SUPT3H: variants seen among roughly 807,000 people sequenced by gnomAD.
SUPT3H encodes the protein SPT3 homolog, SAGA and STAGA complex component, also known as transcription initiation protein SPT3 homolog.
A neutral mutation model predicts 44.3 loss-of-function variants in SUPT3H; 44 were observed. That is an observed-to-expected ratio of 0.99 (90% CI 0.78 to 1.28). The LOEUF (loss-of-function observed/expected upper bound fraction) is 1.28. Among genes scored for constraint, SUPT3H ranks in the 50% most tolerant of loss-of-function variants. The pLI is 0.00. For synonymous variants in SUPT3H, 124 were observed against 125.6 expected, an observed-to-expected ratio of 0.99 and a Z score of 0.09; for missense variants, 380 against 387.1, an observed-to-expected ratio of 0.98 and a Z score of 0.15.
At chr6:45,143,589 T>A (rs964615231) in intron 2 of SUPT3H, among the ~76,000 whole-genome samples, 2 of 152,018 alleles carry the variant, frequency 1.3e-5, no homozygotes, top group African/African-American at 4.8e-5. Flanking sequence ...AATGCCTACA[T>A]CAAATAGTCT....
At chr6:45,227,465 G>A (rs1370875873) in intron 2 of SUPT3H, among the ~76,000 whole-genome samples, 1 of 151,952 alleles carries the variant, frequency 6.6e-6, no homozygotes, top group Non-Finnish European at 1.5e-5. Context: ...ACTAGATACT[G>A]CTCATAAAAA....
At chr6:44,888,476 A>C (rs1404287978) in intron 10 of SUPT3H, among the ~76,000 whole-genome samples, 1 of 152,200 alleles carries the variant, frequency 6.6e-6, no homozygotes, top group African/African-American at 2.4e-5. Flanking sequence ...CAAATCAATA[A>C]AAGTAATCCA....
chr6:44,892,885 T>C (rs1342726976), intron 10 of SUPT3H, among the ~76,000 whole-genome samples: 2 of 152,266 alleles, frequency 1.3e-5, no homozygotes, highest in Admixed American at 1.3e-4. Context: ...TTACTTTCCT[T>C]CCACTAAAAT....
At chr6:45,212,298 A>G (rs1584283008) in intron 2 of SUPT3H, among the ~76,000 whole-genome samples, 1 of 152,214 alleles carries the variant, frequency 6.6e-6, no homozygotes, top group African/African-American at 2.4e-5. Flanking sequence ...AACTTTTAAT[A>G]TAACTTTTAG....
At chr6:45,373,287 T>A (rs1305575406) in intron 1 of SUPT3H, among the ~76,000 whole-genome samples, 7 of 151,976 alleles carry the variant, frequency 4.6e-5, no homozygotes, top group African/African-American at 1.7e-4. Context: ...CACTACCCAT[T>A]AACTATGGGC....
chr6:44,890,671 ATGGG>A (rs779921907), intron 10 of SUPT3H, among the ~76,000 whole-genome samples: 10 of 150,252 alleles, frequency 6.7e-5, no homozygotes, highest in Non-Finnish European at 1.3e-4. Flanking sequence ...TGACGAGTTA[ATGGG>A]TGCAGCACAC....
chr6:45,098,972 G>A, intron 3 of SUPT3H: 1 of 434,830 alleles, frequency 2.3e-6, no homozygotes, highest in Non-Finnish European at 4.6e-6. Context: ...CAGACTCTGG[G>A]ATCCAGCTAC....
rs540045897 is a variant in SUPT3H, at chr6:44,819,499, T to A, written c.*53-9998A>T. Among the ~76,000 whole-genome samples, 7 of 135,836 alleles carry A rather than the reference T, an allele frequency of 5.2e-5. No homozygotes were observed. In the South Asian group the frequency reaches 1.5e-3, roughly 30 times the overall value. The allele number at this position is 135,836 out of a possible 152,430, so 89.1% of individuals were successfully genotyped here. A position where few individuals can be genotyped will look rare whatever the true frequency, so the allele number is the denominator to read the frequency against. ...ATCAGACTAAGCATTTTTTTTTTTTTAAAGAAACATAGATAAGAGTGGTGA... is the reference window on the plus strand; with the variant it reads ...ATCAGACTAAGCATTTTTTTTTTTTAAAAGAAACATAGATAAGAGTGGTGA... On this transcript the variant is annotated intron_variant and NMD_transcript_variant, in intron 11 of 11. Transcript: ENST00000475057.
intron 2 of SUPT3H, among the ~76,000 whole-genome samples, chr6:45,340,446 C>T (rs1478571791): frequency 6.6e-6 from 1 of 152,008 alleles, no homozygotes; most frequent in African/African-American, 2.4e-5. Flanking sequence ...GACTCAGCAT[C>T]CCAGGTAGCT....
At chr6:45,214,736 T>C (rs1427860183) in intron 2 of SUPT3H, among the ~76,000 whole-genome samples, 2 of 152,102 alleles carry the variant, frequency 1.3e-5, no homozygotes, top group East Asian at 3.8e-4. Context: ...GTAGTCCCAT[T>C]TACTCGGGAG....
At chr6:45,051,506 T>C (rs900359008) in intron 3 of SUPT3H, among the ~76,000 whole-genome samples, 8 of 150,898 alleles carry the variant, frequency 5.3e-5, no homozygotes, top group Non-Finnish European at 1.0e-4. Flanking sequence ...ATTAAATATA[T>C]ATTTATCAAA....
At chr6:45,326,037 T>C (rs546910005) in intron 2 of SUPT3H, among the ~76,000 whole-genome samples, 160 of 151,762 alleles carry the variant, frequency 1.1e-3, no homozygotes, top group Non-Finnish European at 1.9e-3. Context: ...CAAATCCTGG[T>C]CCAAAAATTA....
Position 45,067,804 on chromosome 6 carries a change from C to G in SUPT3H, c.186+38118G>C, listed in dbSNP as rs532771791. Among the ~76,000 whole-genome samples, 51 of 143,446 alleles carry G rather than the reference C, an allele frequency of 3.6e-4. No individual in the cohort carries two copies. In the East Asian group the frequency reaches 9.5e-3, roughly 27 times the overall value. The allele number at this position is 143,446 out of a possible 152,430, so 94.1% of individuals were successfully genotyped here. A position where few individuals can be genotyped will look rare whatever the true frequency, so the allele number is the denominator to read the frequency against. ...GTTAGAATGGCAATCATTAAAAAGT[C>G]AGGAAACAACAGGTGCTGGAGAGGA... On this transcript the variant is annotated intron_variant, in intron 3 of 10. Coordinates refer to ENST00000371459, the MANE Select transcript of SUPT3H (RefSeq NM_003599.4).
intron 2 of SUPT3H, among the ~76,000 whole-genome samples, chr6:45,348,958 T>C (rs370672387): frequency 2.0e-5 from 3 of 152,194 alleles, no homozygotes; most frequent in African/African-American, 4.8e-5. Context: ...TTTCCACAAA[T>C]GTATACACAG....
chr6:44,945,702 C>T (rs1269960190), intron 9 of SUPT3H, among the ~76,000 whole-genome samples: 1 of 152,130 alleles, frequency 6.6e-6, no homozygotes, highest in Non-Finnish European at 1.5e-5. Flanking sequence ...TTAGAGGCTA[C>T]CAGAGACTGG....
At chr6:44,885,137 C>T (rs55970995) in intron 10 of SUPT3H, among the ~76,000 whole-genome samples, 2,447 of 152,318 alleles carry the variant, frequency 0.016, 39 homozygotes, top group South Asian at 0.033. Flanking sequence ...TGGAGCCCAC[C>T]ACAGCTCAAG....
chr6:45,108,503 T>C (rs955725888), intron 2 of SUPT3H, among the ~76,000 whole-genome samples: 3 of 152,136 alleles, frequency 2.0e-5, no homozygotes, highest in African/African-American at 7.2e-5. Flanking sequence ...GAACTTTGAC[T>C]AACATAGCCA....
Position 45,275,926 on chromosome 6 carries a change from TACTA to T in SUPT3H, c.101+89271_101+89274del, listed in dbSNP as rs150022631. Among the ~76,000 whole-genome samples, 821 of 152,262 alleles carry T rather than the reference TACTA, an allele frequency of 5.4e-3. 5 individuals carry two copies. Among genetic ancestry groups the T allele is most frequent in the African/African-American group, 0.018 (764 of 41,570 alleles). ...GAAAAGTCTCCCTCCTATTATTGTCTACTAACTATCTAGTTCCCTTACTGAAGAA... is the reference window on the plus strand; with the variant it reads ...GAAAAGTCTCCCTCCTATTATTGTCTACTATCTAGTTCCCTTACTGAAGAA... On this transcript the variant is annotated intron_variant, in intron 2 of 10. Coordinates refer to ENST00000371459, the MANE Select transcript of SUPT3H (RefSeq NM_003599.4).
rs137870632 is a variant in SUPT3H, at chr6:45,185,440, T to A, written c.102-79434A>T. ...TGAAAACTGATTATGCAAAGGAGAT[T>A]TTTTTGTCATACCCAACAAAAATAA... On this transcript the variant is annotated intron_variant, in intron 2 of 10. Transcript: ENST00000371459. Among the ~76,000 whole-genome samples, 246 of 152,286 alleles carry A rather than the reference T, an allele frequency of 1.6e-3. 2 individuals carry two copies. Among genetic ancestry groups the A allele is most frequent in the African/African-American group, 5.6e-3 (232 of 41,538 alleles).
Sources: gnomAD v4.1 joint callset for allele counts (sites outside exome capture counted in the v4.1 genomes callset) on GRCh38, gnomAD v4.1.1 for gene constraint, MANE v1.5 for transcripts, NCBI Gene and HGNC (gene_info 2026-07-23, HGNC 2026-07-21) for gene names.